Variants in DLG2 observed in about 807,000 individuals in gnomAD.
The protein encoded by DLG2 is discs large MAGUK scaffold protein 2.
Under a neutral mutation model 132.5 loss-of-function variants are expected in DLG2, and 45 were observed. The ratio of observed to expected loss-of-function variants is 0.34; its 90% CI spans 0.27 to 0.44. The LOEUF is 0.44. Among genes scored for constraint, DLG2 ranks in the 20% least tolerant of loss-of-function variants. The pLI is 1.00. For missense variants in DLG2, 1,045 were observed against 1,196.9 expected, an observed-to-expected ratio of 0.87 and a Z score of 1.87; for synonymous variants, 424 against 419.6, an observed-to-expected ratio of 1.01 and a Z score of -0.13.
chr11:84,062,092 T>G (rs1485192122), intron 10 of DLG2, among the ~76,000 whole-genome samples: 1 of 152,216 alleles, frequency 6.6e-6, no homozygotes, highest in Non-Finnish European at 1.5e-5. Context: ...AGGCTATATA[T>G]ATCTATTCAA....
chr11:84,384,846 G>A (rs939047957), intron 7 of DLG2, among the ~76,000 whole-genome samples: 7 of 152,004 alleles, frequency 4.6e-5, no homozygotes, highest in African/African-American at 1.7e-4. Flanking sequence ...CAGAGTGTTG[G>A]TACTGTGTTT....
At chr11:84,782,863 G>A (rs1276662456) in intron 6 of DLG2, among the ~76,000 whole-genome samples, 1 of 152,108 alleles carries the variant, frequency 6.6e-6, no homozygotes, top group Non-Finnish European at 1.5e-5. Flanking sequence ...TCTTAAGAGT[G>A]TCACTCTTTT....
chr11:85,157,954 G>A (rs114074327), intron 4 of DLG2, among the ~76,000 whole-genome samples: 8,222 of 151,882 alleles, frequency 0.054, 332 homozygotes, highest in African/African-American at 0.1. Flanking sequence ...GATAAACCCC[G>A]CACTGCCTGA....
intron 7 of DLG2, among the ~76,000 whole-genome samples, chr11:84,401,760 G>A (rs1208594203): frequency 7.9e-5 from 12 of 152,132 alleles, no homozygotes; most frequent in Non-Finnish European, 1.3e-4. Context: ...TTGGCTCACC[G>A]AAAGCTCCGC....
chr11:85,370,134 T>C lies in DLG2; in HGVS notation c.41-84769A>G, dbSNP rs151000486. On this transcript the variant is annotated intron_variant, in intron 3 of 27. Transcript: ENST00000376104. The stretch of plus-strand genomic sequence containing the variant: ...TGGAACTGACATACGGAACTAACCA[T>C]GCCCTTAATTAAGAAGGCAAAATTT... Among the ~76,000 whole-genome samples the C allele has an allele frequency of 2.5e-3, 378 of 152,322 alleles. 5 individuals are homozygous for C. Among genetic ancestry groups the C allele is most frequent in the African/African-American group, 8.7e-3 (360 of 41,574 alleles).
At chr11:85,360,781 G>A (rs2084082077) in intron 3 of DLG2, among the ~76,000 whole-genome samples, 1 of 152,008 alleles carries the variant, frequency 6.6e-6, no homozygotes, top group Non-Finnish European at 1.5e-5. Context: ...TCTCTTCCAG[G>A]ACGCCCTTCT....
At chr11:84,038,112 C>T (rs908264192) in intron 11 of DLG2, among the ~76,000 whole-genome samples, 4 of 151,960 alleles carry the variant, frequency 2.6e-5, no homozygotes, top group African/African-American at 7.3e-5. Context: ...CTGATCCTCT[C>T]CCTCCTTCCC....
chr11:84,569,692 G>A (rs2154527526), intron 6 of DLG2, among the ~76,000 whole-genome samples: 1 of 152,272 alleles, frequency 6.6e-6, no homozygotes, highest in African/African-American at 2.4e-5. Flanking sequence ...AGGTTATATT[G>A]CTCAGTTAGT....
At chr11:83,469,116 G>T in intron 25 of DLG2, 85 bp downstream of exon 25, 1 of 979,154 alleles carries the variant, frequency 1.0e-6, no homozygotes, top group Non-Finnish European at 1.5e-6. Context: ...AATCAAGAAA[G>T]AGTAATGACC....
chr11:84,404,529 C>G (rs2098841820), intron 7 of DLG2, among the ~76,000 whole-genome samples: 1 of 152,094 alleles, frequency 6.6e-6, no homozygotes, highest in African/African-American at 2.4e-5. Context: ...ACCCACATTG[C>G]CTAACACAGT....
intron 14 of DLG2, among the ~76,000 whole-genome samples, chr11:83,956,389 G>A (rs1045456102): frequency 6.6e-6 from 1 of 152,198 alleles, no homozygotes; most frequent in African/African-American, 2.4e-5. Context: ...AACTAAAAGA[G>A]TACTGTGACA....
intron 6 of DLG2, among the ~76,000 whole-genome samples, chr11:85,009,009 A>T (rs7482922): frequency 0.51 from 78,135 of 151,848 alleles, 20,573 homozygotes; most frequent in East Asian, 0.63. Flanking sequence ...TTCCAGAAAG[A>T]AAAGATGACA....
At chr11:83,948,235 A>G (rs1458764883) in intron 14 of DLG2, among the ~76,000 whole-genome samples, 1 of 152,226 alleles carries the variant, frequency 6.6e-6, no homozygotes, top group East Asian at 1.9e-4. Context: ...AGGAGTATAC[A>G]TGAGAAAGGA....
intron 5 of DLG2, among the ~76,000 whole-genome samples, chr11:85,126,999 A>G (rs369925336): frequency 6.6e-6 from 1 of 152,200 alleles, no homozygotes; most frequent in Non-Finnish European, 1.5e-5. Context: ...AGAGAGCTCA[A>G]ATCAGGGGGA....
At chr11:84,201,063 TATG>T (rs2096585807) in intron 8 of DLG2, among the ~76,000 whole-genome samples, 1 of 152,186 alleles carries the variant, frequency 6.6e-6, no homozygotes, top group Non-Finnish European at 1.5e-5. Context: ...GCTCATTCAG[TATG>T]ATATTGGTTG....
At chr11:85,273,345 A>C (rs1282964695) in intron 4 of DLG2, among the ~76,000 whole-genome samples, 1 of 152,228 alleles carries the variant, frequency 6.6e-6, no homozygotes, top group African/African-American at 2.4e-5. Flanking sequence ...AAATTTTTAC[A>C]ATCTACCCAT....
intron 6 of DLG2, among the ~76,000 whole-genome samples, chr11:84,682,078 AT>A (rs2099731883): frequency 6.6e-6 from 1 of 152,044 alleles, no homozygotes; most frequent in South Asian, 2.1e-4. Flanking sequence ...CAAAGTGAGA[AT>A]CTACTTATCC....
chr11:84,174,004 A>AC (rs1192540057), intron 8 of DLG2, among the ~76,000 whole-genome samples: 1 of 49,296 alleles, frequency 2.0e-5, no homozygotes, highest in Non-Finnish European at 4.3e-5. Flanking sequence ...TTTTGACTTC[A>AC]CCCCCCGGCC....
rs111694943 is a variant in DLG2 at position 85,149,256 on chromosome 11, T to C, written c.282+5300A>G. On this transcript the variant is annotated intron_variant, in intron 5 of 27. Transcript: ENST00000376104. Reference sequence around the variant, plus strand: ...GGCTTTTTTTGGTTCCATATGAAATTTAAAGTAGTTTTTTTCTAATTCTGT... The same window carrying C: ...GGCTTTTTTTGGTTCCATATGAAATCTAAAGTAGTTTTTTTCTAATTCTGT... Among the ~76,000 whole-genome samples, 436 of 152,302 alleles carry C rather than the reference T, an allele frequency of 2.9e-3. 3 individuals are homozygous for C. Among genetic ancestry groups the C allele is most frequent in the African/African-American group, 0.01 (423 of 41,558 alleles).
Sources: gnomAD v4.1 joint callset for allele counts (sites outside exome capture counted in the v4.1 genomes callset) on GRCh38, gnomAD v4.1.1 for gene constraint, MANE v1.5 for transcripts, NCBI Gene and HGNC (gene_info 2026-07-23, HGNC 2026-07-21) for gene names.